The following STPG2 variants were observed in gnomAD, a reference collection of about 807,000 sequenced individuals.
STPG2 encodes sperm tail PG-rich repeat containing 2.
STPG2 carries 56 observed loss-of-function variants against 54.2 expected under a neutral mutation model. The ratio of observed to expected loss-of-function variants is 1.03; its 90% CI spans 0.83 to 1.29. The LOEUF (loss-of-function observed/expected upper bound fraction) is 1.29. STPG2 is among the 50% of genes most tolerant of loss of function. The pLI is 0.00. For synonymous variants in STPG2, 200 were observed against 181.8 expected (o/e 1.10, Z -0.81); for missense variants, 596 against 544.9 (o/e 1.09, Z -0.93).
chr4:97,766,540 T>C (rs1190145931), intron 9 of STPG2, among the ~76,000 whole-genome samples: 1 of 152,094 alleles, frequency 6.6e-6, no homozygotes, highest in African/African-American at 2.4e-5. Flanking sequence ...TCTATGTGTA[T>C]TTGTAGGCCT....
At chr4:97,560,735 A>G (rs1378631868) in intron 10 of STPG2, among the ~76,000 whole-genome samples, 1 of 152,182 alleles carries the variant, frequency 6.6e-6, no homozygotes, top group Non-Finnish European at 1.5e-5. Flanking sequence ...GTTTCGAAAG[A>G]GCCAGTACAA....
intron 10 of STPG2, among the ~76,000 whole-genome samples, chr4:97,567,219 C>T (rs1026180470): frequency 6.6e-6 from 1 of 151,042 alleles, no homozygotes; most frequent in Admixed American, 6.6e-5. Context: ...CATACACACA[C>T]ACACACCCTT....
At chr4:98,075,761 T>C (rs1456885723) in intron 5 of STPG2, among the ~76,000 whole-genome samples, 1 of 152,108 alleles carries the variant, frequency 6.6e-6, no homozygotes, top group Non-Finnish European at 1.5e-5. Flanking sequence ...AGGAAAAAAA[T>C]AGTTACATAA....
At chr4:97,676,542 AAAGGAAGGAAGGAAGG>A (rs70953080) in intron 10 of STPG2, among the ~76,000 whole-genome samples, 13 of 131,202 alleles carry the variant, frequency 9.9e-5, no homozygotes, top group South Asian at 2.7e-4. Context: ...GAGTTGGAAG[AAAGGAAGGAAGGAAGG>A]AAGGAAGGAA....
chr4:97,971,079 A>G, intron 7 of STPG2, among the ~76,000 whole-genome samples: 1 of 152,246 alleles, frequency 6.6e-6, no homozygotes, highest in East Asian at 1.9e-4. Context: ...GTCATCAGAG[A>G]AATGCAAATC....
chr4:97,845,075 T>A (rs1728909264), intron 8 of STPG2, among the ~76,000 whole-genome samples: 2 of 151,998 alleles, frequency 1.3e-5, no homozygotes, highest in Admixed American at 6.6e-5. Context: ...ACTGCTAGCA[T>A]GTTTTTCTTT....
At chr4:97,742,440 C>A (rs1252834069) in intron 9 of STPG2, among the ~76,000 whole-genome samples, 2 of 150,304 alleles carry the variant, frequency 1.3e-5, no homozygotes, top group Non-Finnish European at 3.0e-5. Context: ...AGCTGCACTG[C>A]CATGTTCATT....
chr4:97,491,732 G>A (rs886323457), intron 4 of STPG2, among the ~76,000 whole-genome samples: 2 of 151,460 alleles, frequency 1.3e-5, no homozygotes, highest in African/African-American at 4.8e-5. Flanking sequence ...AAGTCAGATA[G>A]GTAGGCAAAG....
chr4:97,851,635 G>A (rs553969491), intron 8 of STPG2, among the ~76,000 whole-genome samples: 2 of 152,092 alleles, frequency 1.3e-5, no homozygotes, highest in Non-Finnish European at 2.9e-5. Context: ...TCTCAGAAAC[G>A]ATATAGAAGT....
intron 4 of STPG2, among the ~76,000 whole-genome samples, chr4:97,459,207 A>G (rs111796326): frequency 0.016 from 2,467 of 152,232 alleles, 64 homozygotes; most frequent in African/African-American, 0.057. Context: ...AAAGAGGCAG[A>G]AAGGAAGAGT....
chr4:97,800,593 A>T lies in STPG2; in HGVS notation c.1204+40180T>A, dbSNP rs192180925. ...CGTGTGAGGTGTCAGTCTGCCCCTA[A>T]TGGGGGGTGCCTCCCAGTTAGGCTA... On this transcript the variant is annotated intron_variant, in intron 9 of 10. Transcript: ENST00000295268. Among the ~76,000 whole-genome samples, 65 of 152,174 alleles carry T rather than the reference A, an allele frequency of 4.3e-4. No individual in the cohort carries two copies. The East Asian group carries it at 0.012, about 29-fold the overall frequency.
chr4:97,766,130 TATG>T (rs1386670040), intron 9 of STPG2, among the ~76,000 whole-genome samples: 1 of 152,106 alleles, frequency 6.6e-6, no homozygotes, highest in African/African-American at 2.4e-5. Flanking sequence ...AATAAACTAA[TATG>T]ATCTCTATTT....
chr4:97,934,092 T>C (rs1327970368), intron 8 of STPG2, among the ~76,000 whole-genome samples: 1 of 152,232 alleles, frequency 6.6e-6, no homozygotes, highest in Non-Finnish European at 1.5e-5. Context: ...CCCTGTTAGC[T>C]GTATTCCCAG....
chr4:97,539,002 T>C (rs941667925), intron 4 of STPG2, among the ~76,000 whole-genome samples: 6 of 152,192 alleles, frequency 3.9e-5, no homozygotes, highest in African/African-American at 1.4e-4. Flanking sequence ...TGAGAGATTT[T>C]GTCACCACCA....
At chr4:97,621,136 G>A (rs1457161900) in intron 10 of STPG2, among the ~76,000 whole-genome samples, 1 of 151,950 alleles carries the variant, frequency 6.6e-6, no homozygotes, top group Non-Finnish European at 1.5e-5. Flanking sequence ...ACACGCTAAG[G>A]CAATGTTAAG....
intron 7 of STPG2, among the ~76,000 whole-genome samples, chr4:97,966,330 G>C (rs926645308): frequency 5.5e-5 from 7 of 127,052 alleles, no homozygotes; most frequent in Non-Finnish European, 1.7e-5. Context: ...AGAGAAAAAA[G>C]AGTAAAAGGA....
chr4:97,536,884 G>A (rs1026696722), intron 4 of STPG2, among the ~76,000 whole-genome samples: 1 of 152,136 alleles, frequency 6.6e-6, no homozygotes, highest in Non-Finnish European at 1.5e-5. Context: ...AATGAAGGGT[G>A]TCCTTATTCA....
At chr4:97,638,248 A>T (rs1721629557) in intron 10 of STPG2, among the ~76,000 whole-genome samples, 1 of 152,196 alleles carries the variant, frequency 6.6e-6, no homozygotes, top group Non-Finnish European at 1.5e-5. Flanking sequence ...TGGGGAAAGG[A>T]TTCCCTATTT....
At chr4:97,981,011 A>T in intron 6 of STPG2, 148 bp downstream of exon 6, 1 of 686,822 alleles carries the variant, frequency 1.5e-6, no homozygotes, top group Non-Finnish European at 2.3e-6. Flanking sequence ...TGTTTAATGT[A>T]TAGTGAATGC....
Sources: allele counts gnomAD v4.1 joint callset (sites outside exome capture counted in the v4.1 genomes callset), GRCh38; gene constraint gnomAD v4.1.1; transcripts MANE v1.5; gene names NCBI Gene and HGNC (gene_info 2026-07-23, HGNC 2026-07-21).